The following HTR7 variants were observed in gnomAD, a reference collection of about 807,000 sequenced individuals.
HTR7 encodes 5-HT-7.
Under a neutral mutation model 34.0 loss-of-function variants are expected in HTR7, and 16 were observed. The ratio of observed to expected loss-of-function variants is 0.47; its 90% CI spans 0.32 to 0.71. HTR7 has a LOEUF of 0.71. HTR7 is among the 30% of genes least tolerant of loss of function. The pLI is 0.04. For synonymous variants in HTR7, 265 were observed against 260.2 expected (o/e 1.02, Z -0.18); for missense variants, 504 against 625.5 (o/e 0.81, Z 2.07).
intron 1 of HTR7, among the ~76,000 whole-genome samples, chr10:90,846,744 C>T (rs907838259): frequency 5.3e-5 from 8 of 152,190 alleles, no homozygotes; most frequent in African/African-American, 1.9e-4. Flanking sequence ...AGTAACATGG[C>T]CACATCTAGC....
chr10:90,806,468 G>A (rs943294257), intron 1 of HTR7, among the ~76,000 whole-genome samples: 8 of 152,006 alleles, frequency 5.3e-5, no homozygotes, highest in African/African-American at 9.7e-5. Flanking sequence ...GCGTGGTGGC[G>A]GGCGCCTGTA....
chr10:90,838,872 C>T (rs1047606154), intron 1 of HTR7, among the ~76,000 whole-genome samples: 7 of 152,100 alleles, frequency 4.6e-5, no homozygotes, highest in Admixed American at 6.6e-5. Context: ...TTTAATTGTG[C>T]GTGATACTTA....
At chr10:90,854,085 G>A (rs1846542365) in intron 1 of HTR7, among the ~76,000 whole-genome samples, 1 of 152,262 alleles carries the variant, frequency 6.6e-6, no homozygotes, top group South Asian at 2.1e-4. Flanking sequence ...CCATCAATAA[G>A]CTGGGCCTGG....
chr10:90,762,510 G>A (rs1165707882), intron 1 of HTR7, among the ~76,000 whole-genome samples: 2 of 152,072 alleles, frequency 1.3e-5, no homozygotes, highest in African/African-American at 4.8e-5. Context: ...AGTGATATGG[G>A]TTCTTTAAAT....
Position 90,760,313 on chromosome 10 carries a change from AG to A in HTR7, c.540-10720del, listed in dbSNP as rs1388462089. Among the ~76,000 whole-genome samples, 3 of 152,330 alleles carry A rather than the reference AG, an allele frequency of 2.0e-5. No homozygotes were observed. The East Asian group carries it at 5.8e-4, about 29-fold the overall frequency. On this transcript the variant is annotated intron_variant, in intron 1 of 3. Coordinates refer to ENST00000336152, the MANE Select transcript of HTR7 (RefSeq NM_019859.4). ...ATTAGTTGATCTCATAGGAGTAAAA[AG>A]GAGGACAGAGGATAACAGAGGCTGG... is the stretch of plus-strand genomic sequence containing the variant.
chr10:90,842,221 T>G (rs371194578), intron 1 of HTR7, among the ~76,000 whole-genome samples: 2 of 152,276 alleles, frequency 1.3e-5, no homozygotes, highest in South Asian at 4.1e-4. Flanking sequence ...TAGGCCCTTT[T>G]GCCCTCTGTT....
intron 1 of HTR7, among the ~76,000 whole-genome samples, chr10:90,775,664 A>C (rs1265925976): frequency 2.0e-5 from 3 of 152,208 alleles, no homozygotes; most frequent in Non-Finnish European, 4.4e-5. Context: ...CATATTTTTT[A>C]GTGCTCACTC....
chr10:90,825,606 G>A (rs1241144103), intron 1 of HTR7, among the ~76,000 whole-genome samples: 1 of 152,158 alleles, frequency 6.6e-6, no homozygotes, highest in Non-Finnish European at 1.5e-5. Context: ...TGAAATTTAA[G>A]ATAACACAGA....
intron 1 of HTR7, among the ~76,000 whole-genome samples, chr10:90,840,512 C>T (rs1486773495): frequency 6.6e-6 from 1 of 152,172 alleles, no homozygotes; most frequent in East Asian, 1.9e-4. Context: ...TTACAGCAGC[C>T]ACCGCAACCA....
chr10:90,822,773 G>A (rs1455819402), intron 1 of HTR7, among the ~76,000 whole-genome samples: 1 of 152,220 alleles, frequency 6.6e-6, no homozygotes, highest in Non-Finnish European at 1.5e-5. Flanking sequence ...CCAGGACCAG[G>A]AACCTGCTGC....
At chr10:90,828,261 A>G (rs763753503) in intron 1 of HTR7, among the ~76,000 whole-genome samples, 1 of 152,316 alleles carries the variant, frequency 6.6e-6, no homozygotes, top group Non-Finnish European at 1.5e-5. Context: ...TAAAAAAAGT[A>G]GAAAGACATC....
chr10:90,852,190 C>A, intron 1 of HTR7, among the ~76,000 whole-genome samples: 2 of 118,000 alleles, frequency 1.7e-5, no homozygotes, highest in African/African-American at 4.0e-5. Flanking sequence ...GAGACTGTCT[C>A]TTTATGTGAA....
chr10:90,821,345 AT>A (rs1299711617), intron 1 of HTR7, among the ~76,000 whole-genome samples: 1 of 152,156 alleles, frequency 6.6e-6, no homozygotes, highest in Non-Finnish European at 1.5e-5. Flanking sequence ...GAGCACAGTG[AT>A]TGTGGGACTT....
chr10:90,848,014 C>T (rs368280621), intron 1 of HTR7, among the ~76,000 whole-genome samples: 10 of 151,732 alleles, frequency 6.6e-5, no homozygotes, highest in Non-Finnish European at 1.5e-4. Flanking sequence ...AGAAGCATGC[C>T]GCTCTGATCT....
chr10:90,746,738 A>C (rs2119667496), intron 2 of HTR7, among the ~76,000 whole-genome samples: 1 of 152,302 alleles, frequency 6.6e-6, no homozygotes, highest in Non-Finnish European at 1.5e-5. Context: ...ACCAGTCTAA[A>C]GCTATTATGT....
chr10:90,745,275 C>T (rs1455215565), intron 2 of HTR7, among the ~76,000 whole-genome samples: 2 of 152,152 alleles, frequency 1.3e-5, no homozygotes, highest in Non-Finnish European at 2.9e-5. Flanking sequence ...CTGGTGAGGG[C>T]TCGCTGTCTG....
At chr10:90,841,170 CG>C (rs1564700340) in intron 1 of HTR7, among the ~76,000 whole-genome samples, 1 of 152,152 alleles carries the variant, frequency 6.6e-6, no homozygotes, top group East Asian at 1.9e-4. Context: ...TGTAAAACAG[CG>C]ATAATAAAAG....
At chr10:90,820,756 C>G (rs573883698) in intron 1 of HTR7, among the ~76,000 whole-genome samples, 1 of 152,116 alleles carries the variant, frequency 6.6e-6, no homozygotes, top group South Asian at 2.1e-4. Context: ...GACAGAACCC[C>G]ATCATAAGAT....
intron 1 of HTR7, among the ~76,000 whole-genome samples, chr10:90,847,131 T>C (rs1264701536): frequency 6.6e-6 from 1 of 152,168 alleles, no homozygotes; most frequent in Non-Finnish European, 1.5e-5. Flanking sequence ...GTTCCATCCA[T>C]ACAAACTGTA....
Sources: allele counts gnomAD v4.1 joint callset (sites outside exome capture counted in the v4.1 genomes callset), GRCh38; gene constraint gnomAD v4.1.1; transcripts MANE v1.5; gene names NCBI Gene and HGNC (gene_info 2026-07-23, HGNC 2026-07-21).